SLC26A7: variants seen among roughly 807,000 people sequenced by gnomAD.
SLC26A7 encodes the protein anion exchange transporter.
A neutral mutation model predicts 82.5 loss-of-function variants in SLC26A7; 59 were observed. That is an observed-to-expected ratio of 0.72 (90% CI 0.58 to 0.89). The LOEUF (loss-of-function observed/expected upper bound fraction) is 0.89, where lower values mean the gene tolerates loss of function less well. Among genes scored for constraint, SLC26A7 ranks in the 40% least tolerant of loss-of-function variants. SLC26A7 has a pLI of 0.00. For missense variants in SLC26A7, 820 were observed against 793.0 expected (o/e 1.03, Z -0.41); for synonymous variants, 271 against 274.3 (o/e 0.99, Z 0.12).
At chr8:91,339,816 T>C (rs1813350807) in intron 7 of SLC26A7, among the ~76,000 whole-genome samples, 3 of 152,088 alleles carry the variant, frequency 2.0e-5, no homozygotes, top group Non-Finnish European at 4.4e-5. Flanking sequence ...GAAAAACAAC[T>C]ATGGTCCTAT....
At chr8:91,239,095 G>A (rs1454286885) in intron 2 of SLC26A7, among the ~76,000 whole-genome samples, 1 of 152,130 alleles carries the variant, frequency 6.6e-6, no homozygotes, top group Non-Finnish European at 1.5e-5. Flanking sequence ...ATGAGGCCGG[G>A]TGTGGTGGCT....
At chr8:91,248,674 A>G (rs151263924), upstream of SLC26A7, among the ~76,000 whole-genome samples, 5 of 152,282 alleles carry the variant, frequency 3.3e-5, no homozygotes, top group African/African-American at 1.2e-4. Context: ...CAAAAGTTAT[A>G]CAAAAAGAAG....
intron 15 of SLC26A7, among the ~76,000 whole-genome samples, chr8:91,386,255 C>T (rs968684963): frequency 6.6e-6 from 1 of 152,044 alleles, no homozygotes; most frequent in Non-Finnish European, 1.5e-5. Context: ...TCTAGCAAGC[C>T]TGTCTTATAG....
At chr8:91,352,636 C>T (rs1244479273) in intron 10 of SLC26A7, among the ~76,000 whole-genome samples, 1 of 152,022 alleles carries the variant, frequency 6.6e-6, no homozygotes, top group Non-Finnish European at 1.5e-5. Context: ...GATGTTCACC[C>T]TTACCATTTA....
intron 12 of SLC26A7, among the ~76,000 whole-genome samples, chr8:91,362,875 T>G (rs934947708): frequency 1.3e-5 from 2 of 152,064 alleles, no homozygotes; most frequent in African/African-American, 4.8e-5. Flanking sequence ...TAATCTATTT[T>G]CTAGATAATT....
At chr8:91,222,543 T>C (rs963696530) in intron 2 of SLC26A7, among the ~76,000 whole-genome samples, 1 of 152,190 alleles carries the variant, frequency 6.6e-6, no homozygotes, top group Non-Finnish European at 1.5e-5. Context: ...CAATACCTAG[T>C]TTATTGAAAA....
At chr8:91,351,574 C>T (rs1586441703) in intron 9 of SLC26A7, among the ~76,000 whole-genome samples, 1 of 152,130 alleles carries the variant, frequency 6.6e-6, no homozygotes, top group African/African-American at 2.4e-5. Flanking sequence ...TGTGAAATTG[C>T]TTTTCTCTCA....
intron 2 of SLC26A7, among the ~76,000 whole-genome samples, chr8:91,254,879 C>T (rs1810758246): frequency 6.6e-6 from 1 of 152,066 alleles, no homozygotes; most frequent in Non-Finnish European, 1.5e-5. Context: ...ATCTTGAAGA[C>T]CTTCACTGTC....
At chr8:91,245,225 C>CT (rs1029216971), upstream of SLC26A7, among the ~76,000 whole-genome samples, 3 of 152,036 alleles carry the variant, frequency 2.0e-5, no homozygotes, top group Non-Finnish European at 4.4e-5. Context: ...GGATTGGGCT[C>CT]TTAAGTAGCA....
chr8:91,369,790 A>G lies in SLC26A7; in HGVS notation c.1632A>G (p.Glu544=), dbSNP rs1446973685. ...NQPLDDISKC[E]QNTLLNSLSN... ...TATGTTTGTTTTTATTTTAGTGTGA[A>G]CAAAACACATTGCTTAATTCCCTAT... Residue 544 remains glutamate, a synonymous_variant, in exon 15 of 19, where the codon GAA becomes GAG. Transcript: ENST00000276609. 1.6e-5 allele frequency: 25 copies of G among 1,595,400 alleles called. No individual in the cohort carries two copies. Among genetic ancestry groups the G allele is most frequent in the Non-Finnish European group, 2.1e-5 (25 of 1,171,496 alleles).
Position 91,390,868 on chromosome 8 carries a change from T to C in SLC26A7, c.1776+1430T>C, listed in dbSNP as rs533560998. Among the ~76,000 whole-genome samples, 48 of 152,304 alleles carry C rather than the reference T, an allele frequency of 3.2e-4. 1 individual carries two copies. The South Asian group carries it at 9.9e-3, about 32-fold the overall frequency. On this transcript the variant is annotated intron_variant, in intron 16 of 18. Transcript: ENST00000276609. ...CATTTGTCCACCTTTCTCAGGAAAC[T>C]CAGCCACCCTGTGCTGCCCTGCCTG...
intron 11 of SLC26A7, among the ~76,000 whole-genome samples, chr8:91,359,422 C>T (rs562310073): frequency 1.3e-5 from 2 of 152,242 alleles, no homozygotes; most frequent in Non-Finnish European, 2.9e-5. Flanking sequence ...AATGAGTTTG[C>T]ATTTGGACAT....
At chr8:91,325,391 T>A (rs1812903745) in intron 5 of SLC26A7, among the ~76,000 whole-genome samples, 1 of 152,116 alleles carries the variant, frequency 6.6e-6, no homozygotes, top group South Asian at 2.1e-4. Context: ...CATCTGCCTA[T>A]GATAGGGAAA....
intron 5 of SLC26A7, among the ~76,000 whole-genome samples, chr8:91,333,155 G>A (rs1318623413): frequency 6.6e-6 from 1 of 152,092 alleles, no homozygotes; most frequent in Non-Finnish European, 1.5e-5. Context: ...AACATTCTAA[G>A]TTGTTGAACA....
chr8:91,243,559 G>C (rs1810502064), intron 2 of SLC26A7, among the ~76,000 whole-genome samples: 1 of 152,126 alleles, frequency 6.6e-6, no homozygotes, highest in Admixed American at 6.5e-5. Context: ...GAGTACCAGA[G>C]AGAGGAGAGA....
chr8:91,370,884 A>T (rs1318998516), intron 15 of SLC26A7, among the ~76,000 whole-genome samples: 3 of 151,910 alleles, frequency 2.0e-5, no homozygotes, highest in African/African-American at 7.2e-5. Flanking sequence ...TGTGTCATGC[A>T]ATATTTGCTT....
intron 18 of SLC26A7, chr8:91,394,435 T>G: frequency 7.1e-7 from 1 of 1,409,548 alleles, no homozygotes; most frequent in East Asian, 2.5e-5. Context: ...GCCTCTAAGC[T>G]TATATTGCCA....
chr8:91,265,029 C>T (rs183736537), intron 2 of SLC26A7, among the ~76,000 whole-genome samples: 1 of 151,984 alleles, frequency 6.6e-6, no homozygotes, highest in Admixed American at 6.6e-5. Context: ...GGTAATTTCT[C>T]CCCACTCCCT....
intron 4 of SLC26A7, among the ~76,000 whole-genome samples, chr8:91,296,474 A>T (rs1812019964): frequency 6.6e-6 from 1 of 152,156 alleles, no homozygotes. Flanking sequence ...ACACCGTAAC[A>T]TTATTTACAA....
Sources: gnomAD v4.1 joint callset for allele counts (sites outside exome capture counted in the v4.1 genomes callset) on GRCh38, gnomAD v4.1.1 for gene constraint, MANE v1.5 for transcripts, NCBI Gene and HGNC (gene_info 2026-07-23, HGNC 2026-07-21) for gene names.